GDF1: variants seen among roughly 807,000 people sequenced by gnomAD.
GDF1 encodes the protein growth differentiation factor 1.
In GDF1, 8 loss-of-function variants were observed where a neutral mutation model predicts 7.4. That is an observed-to-expected ratio of 1.09 (90% CI 0.64 to 1.96). GDF1 has a LOEUF of 1.96. Among genes scored for constraint, GDF1 ranks in the 30% most tolerant of loss-of-function variants. The pLI is 0.00. For synonymous variants in GDF1, 311 were observed against 276.7 expected, an observed-to-expected ratio of 1.12 and a Z score of -1.23; for missense variants, 574 against 551.5, an observed-to-expected ratio of 1.04 and a Z score of -0.41.
intron 2 of GDF1, among the ~76,000 whole-genome samples, chr19:18,886,870 C>G (rs1215652061): frequency 6.6e-6 from 1 of 152,250 alleles, no homozygotes; most frequent in Admixed American, 6.5e-5. Flanking sequence ...CATGCCACCC[C>G]CACCCCAGTC....
intron 6 of GDF1, among the ~76,000 whole-genome samples, chr19:18,871,501 C>T (rs978447472): frequency 2.0e-5 from 3 of 152,114 alleles, no homozygotes; most frequent in African/African-American, 7.2e-5. Flanking sequence ...GGATTACAGG[C>T]GTGAGCCACC....
At chr19:18,880,122 C>G (rs970083419) in intron 4 of GDF1, among the ~76,000 whole-genome samples, 152 bp downstream of exon 4, 2 of 149,788 alleles carry the variant, frequency 1.3e-5, no homozygotes, top group Non-Finnish European at 3.0e-5. Context: ...CCCCTTCAGT[C>G]CCACCCAAAT....
chr19:18,893,710 C>T, intron 1 of GDF1, 135 bp from the exon 2 acceptor site: 2 of 867,052 alleles, frequency 2.3e-6, no homozygotes, highest in Admixed American at 2.7e-5. Context: ...TGCCCACAGC[C>T]ACCTGGAGCA....
rs2056595696 is a variant in GDF1, at chr19:18,895,220, C to A, written c.-1074+604G>T. Among the ~76,000 whole-genome samples, 1 of 152,246 alleles carries A rather than the reference C, an allele frequency of 6.6e-6. No homozygotes were observed. Among genetic ancestry groups the A allele is most frequent in the Non-Finnish European group, 1.5e-5 (1 of 68,048 alleles). On this transcript the variant is annotated intron_variant, in intron 1 of 7. Transcript: ENST00000247005. This position sits in a 1 kb window ranked among gnomAD's most constrained non-coding sequence, Gnocchi z 6.4. ...GCGCTGACCCCAGATAGGCACAAGG[C>A]AGCGACCGGGCAGCTCCTGCCTCTT... is the stretch of plus-strand genomic sequence containing the variant.
chr19:18,894,177 G>T (rs2056567474), intron 1 of GDF1, among the ~76,000 whole-genome samples: 1 of 150,856 alleles, frequency 6.6e-6, no homozygotes, highest in Admixed American at 6.6e-5. Context: ...CACAGGCGAG[G>T]TGAGACCCTG....
rs748219517 is a variant in GDF1 at position 18,870,162 on chromosome 19, G to A, written c.146C>T (p.Pro49Leu). ...CGGCCGGAGCCTGGGGGCACCCTGG[G>A]GCTCATCGCGCAGTCCTAGAGCCTG... is the stretch of plus-strand genomic sequence containing the variant. ...LLQALGLRDE[P>L]QGAPRLRPVP... The change falls in exon 7 of 8, where the codon CCC becomes CTC. Residue 49 changes from proline (P) to leucine (L), a missense_variant. Transcript: ENST00000247005. This position sits in a 1 kb window ranked among gnomAD's most constrained non-coding sequence, Gnocchi z 5.1. 1.3e-6 allele frequency: 2 copies of A among 1,562,296 alleles called. No homozygotes were observed. The highest frequency in any genetic ancestry group is 8.6e-7 in the Non-Finnish European group (1 of 1,160,028).
intron 6 of GDF1, among the ~76,000 whole-genome samples, chr19:18,872,757 C>T (rs2055997298): frequency 1.3e-5 from 2 of 152,142 alleles, no homozygotes; most frequent in African/African-American, 2.4e-5. Flanking sequence ...CTCAGGTGAT[C>T]CACCCGCCTC....
chr19:18,881,577 C>T (rs1173703238), intron 3 of GDF1: 1 of 152,192 alleles, frequency 6.6e-6, no homozygotes, highest in African/African-American at 2.4e-5. Flanking sequence ...GAGTCTCCAT[C>T]TGACAGATGA....
chr19:18,893,590 A>G lies in GDF1; in HGVS notation c.-1073-15T>C. ...TTCGCCAGGGGCTATGGGGGAGAAG[A>G]CAGGCGGGCAGCCATTGGTGCTGGG... On this transcript the variant is annotated splice_polypyrimidine_tract_variant and intron_variant, in intron 1 of 7. Transcript: ENST00000247005. The G allele has an allele frequency of 6.3e-7, 1 of 1,598,712 alleles. No individual in the cohort carries two copies. Among genetic ancestry groups the G allele is most frequent in the Non-Finnish European group, 8.5e-7 (1 of 1,174,300 alleles).
rs2056107957 is a variant in GDF1 at position 18,878,520 on chromosome 19, G to A, written c.-313+410C>T. ...GCCTGGGTTCTCTCTGTGGCCCTTG[G>A]CGTTCCTTCCTCCCCAGCCCCACTG... On this transcript the variant is annotated intron_variant, in intron 6 of 7. Transcript: ENST00000247005. This position sits in a 1 kb window ranked among gnomAD's most constrained non-coding sequence, Gnocchi z 4.6. 2 of 1,017,352 alleles carry A rather than the reference G, an allele frequency of 2.0e-6. No homozygotes were observed. Among genetic ancestry groups the A allele is most frequent in the South Asian group, 7.6e-5 (2 of 26,180 alleles). The allele number at this position is 1,017,352 out of a possible 1,614,324, so 63.0% of individuals were successfully genotyped here.
Position 18,868,902 on chromosome 19 carries a change from G to A in GDF1, c.814C>T (p.Leu272=), listed in dbSNP as rs2055905050. 3 of 1,387,672 alleles carry A rather than the reference G, an allele frequency of 2.2e-6. No homozygotes were observed. Among genetic ancestry groups the A allele is most frequent in the Non-Finnish European group, 1.9e-6 (2 of 1,062,158 alleles). 86.0% of individuals were successfully genotyped at this position (1,387,672 alleles called of 1,614,324 possible). ...GPGGACRARR[L]YVSFREVGWH... Reference sequence around the variant, plus strand: ...CCCACCTCGCGGAAGCTCACGTACAGCCGCCGCGCGCGACAAGCGCCCCCG... The same window carrying A: ...CCCACCTCGCGGAAGCTCACGTACAACCGCCGCGCGCGACAAGCGCCCCCG... Residue 272 remains leucine, a synonymous_variant, in exon 8 of 8, where the codon CTG becomes TTG. Transcript: ENST00000247005.
At position 18,893,822 on chromosome 19, in the gene GDF1, C is replaced by T. The variant is rs1457470433; in HGVS notation, c.-1073-247G>A. 2.7e-5 allele frequency among the ~76,000 whole-genome samples: 4 copies of T among 150,924 alleles called. No individual in the cohort carries two copies. In the South Asian group the frequency reaches 6.3e-4, roughly 24 times the overall value. On this transcript the variant is annotated intron_variant, in intron 1 of 7. Coordinates refer to ENST00000247005, the MANE Select transcript of GDF1 (RefSeq NM_001492.6). Reference sequence around the variant, plus strand: ...GTGAGGGGGGAGGCCCCGAGGGGAGCAGGAGGGCTCTGGGGGCCAGAAGGG... The same window carrying T: ...GTGAGGGGGGAGGCCCCGAGGGGAGTAGGAGGGCTCTGGGGGCCAGAAGGG...
chr19:18,881,826 C>G (rs1601168105), intron 3 of GDF1: 1 of 152,032 alleles, frequency 6.6e-6, no homozygotes, highest in African/African-American at 2.4e-5. Context: ...CCTGCAGCCA[C>G]AATTTTTTTT....
rs2055933509 is a variant in GDF1, at chr19:18,869,885, AC to A, written c.325+97del. ...AGTAGCCTGGACAGGGCGGGTGGGG[AC>A]CCTCGGAGCTGCTCGGGCATCCCCG... On this transcript the variant is annotated intron_variant, in intron 7 of 7. Transcript: ENST00000247005. 6.6e-6 allele frequency: 8 copies of A among 1,204,128 alleles called. No homozygotes were observed. In the South Asian group the frequency reaches 1.0e-4, roughly 16 times the overall value. 74.6% of individuals were successfully genotyped at this position (1,204,128 alleles called of 1,614,324 possible).
At position 18,878,982 on chromosome 19, in the gene GDF1, G is replaced by C. The variant is rs1260273077; in HGVS notation, c.-365C>G. 2 of 1,613,720 alleles carry C rather than the reference G, an allele frequency of 1.2e-6. No homozygotes were observed. Among genetic ancestry groups the C allele is most frequent in the East Asian group, 2.2e-5 (1 of 44,898 alleles). On this transcript the variant is annotated 5_prime_UTR_variant, in exon 6 of 8. Transcript: ENST00000247005. This position sits in a 1 kb window ranked among gnomAD's most constrained non-coding sequence, Gnocchi z 4.6. ...GCCTCGGCTGTGTCATACTCCCGCA[G>C]GTCCTTCAGCTCGTGCACCTGGCCT...
At chr19:18,883,019 T>C (rs2146028657) in intron 3 of GDF1, 1 of 152,306 alleles carries the variant, frequency 6.6e-6, no homozygotes, top group Non-Finnish European at 1.5e-5. Flanking sequence ...AGACAGGGTC[T>C]CCCTACGTTG....
intron 1 of GDF1, among the ~76,000 whole-genome samples, chr19:18,894,961 G>A (rs1424722016): frequency 6.6e-6 from 1 of 152,236 alleles, no homozygotes; most frequent in Non-Finnish European, 1.5e-5. Context: ...CTTCCAACCA[G>A]CTCCTGCCAC....
At chr19:18,879,626 C>T (rs1256060677) in intron 4 of GDF1, among the ~76,000 whole-genome samples, 1 of 148,632 alleles carries the variant, frequency 6.7e-6, no homozygotes, top group Non-Finnish European at 1.5e-5. Flanking sequence ...TCACCCACCT[C>T]GCCAAGGCCC....
At chr19:18,894,221 C>T (rs1331003649) in intron 1 of GDF1, among the ~76,000 whole-genome samples, 1 of 149,904 alleles carries the variant, frequency 6.7e-6, no homozygotes, top group Non-Finnish European at 1.5e-5. Context: ...AAGCTGCTGG[C>T]TCCAAGGCAG....
Sources: gnomAD v4.1 joint callset for allele counts (sites outside exome capture counted in the v4.1 genomes callset) on GRCh38, gnomAD v4.1.1 for gene constraint, Gnocchi (gnomAD v3.1) non-coding constraint, MANE v1.5 for transcripts, NCBI Gene and HGNC (gene_info 2026-07-23, HGNC 2026-07-21) for gene names.